Variants in CADM2 observed in about 807,000 individuals in gnomAD.
CADM2 encodes cell adhesion molecule 2, also known as immunoglobulin superfamily member 4D.
In CADM2, 12 loss-of-function variants were observed where a neutral mutation model predicts 49.8. The ratio of observed to expected loss-of-function variants is 0.24; its 90% confidence interval spans 0.15 to 0.39. CADM2 has a LOEUF of 0.39. Among genes scored for constraint, CADM2 ranks in the 10% least tolerant of loss-of-function variants. The pLI, the probability that CADM2 is intolerant of heterozygous loss-of-function variation, is 1.00. For synonymous variants in CADM2, 214 were observed against 175.4 expected, an observed-to-expected ratio of 1.22 and a Z score of -1.74; for missense variants, 378 against 492.3, an observed-to-expected ratio of 0.77 and a Z score of 2.20.
At chr3:85,117,374 A>C (rs78325399) in intron 1 of CADM2, among the ~76,000 whole-genome samples, 4,008 of 152,282 alleles carry the variant, frequency 0.026, 153 homozygotes, top group African/African-American at 0.091. Context: ...TTTCTCAAAG[A>C]AAGTTAAAAT....
intron 8 of CADM2, among the ~76,000 whole-genome samples, chr3:85,980,771 A>G (rs1228157212): frequency 6.6e-6 from 1 of 151,582 alleles, no homozygotes; most frequent in Non-Finnish European, 1.5e-5. Flanking sequence ...ATCATTGCAT[A>G]CTAACACAAT....
intron 8 of CADM2, among the ~76,000 whole-genome samples, chr3:86,020,450 C>A (rs1732990412): frequency 6.6e-6 from 1 of 151,968 alleles, no homozygotes; most frequent in Non-Finnish European, 1.5e-5. Context: ...CTACTCCAAT[C>A]AATAGAAAAA....
intron 1 of CADM2, among the ~76,000 whole-genome samples, chr3:85,621,404 A>G (rs1023817908): frequency 2.0e-5 from 3 of 152,182 alleles, no homozygotes; most frequent in African/African-American, 4.8e-5. Flanking sequence ...CAGACACGTC[A>G]TATTCCTATG....
chr3:84,995,396 A>G (rs374331602), intron 1 of CADM2, among the ~76,000 whole-genome samples: 2 of 152,244 alleles, frequency 1.3e-5, no homozygotes, highest in East Asian at 1.9e-4. Context: ...TGGGATTAAT[A>G]CAATTTTAAA....
chr3:85,170,680 T>G (rs2040601428), intron 1 of CADM2, among the ~76,000 whole-genome samples: 1 of 152,182 alleles, frequency 6.6e-6, no homozygotes, highest in South Asian at 2.1e-4. Flanking sequence ...TTCTCTGCAG[T>G]GCTGAACTTT....
intron 1 of CADM2, among the ~76,000 whole-genome samples, chr3:85,232,674 A>G (rs1229350382): frequency 1.3e-5 from 2 of 152,130 alleles, no homozygotes; most frequent in African/African-American, 2.4e-5. Context: ...GAAAAAAAAC[A>G]CCCTATATTA....
At chr3:85,047,372 G>T (rs961967209) in intron 1 of CADM2, among the ~76,000 whole-genome samples, 6 of 152,002 alleles carry the variant, frequency 3.9e-5, no homozygotes, top group African/African-American at 1.5e-4. Flanking sequence ...AGATTATAAA[G>T]GATTTGCAAC....
At chr3:85,111,440 T>G (rs1043080207) in intron 1 of CADM2, among the ~76,000 whole-genome samples, 2 of 151,926 alleles carry the variant, frequency 1.3e-5, no homozygotes, top group African/African-American at 4.8e-5. Context: ...ACATGAGAGC[T>G]TTTAAGTATT....
intron 1 of CADM2, among the ~76,000 whole-genome samples, chr3:85,603,554 T>A (rs79584191): frequency 6.6e-6 from 1 of 151,822 alleles, no homozygotes; most frequent in African/African-American, 2.4e-5. Context: ...TTCTTTTTTT[T>A]CCCCAGGGGA....
intron 1 of CADM2, among the ~76,000 whole-genome samples, chr3:85,205,476 A>G (rs913633218): frequency 6.6e-6 from 1 of 152,166 alleles, no homozygotes; most frequent in African/African-American, 2.4e-5. Flanking sequence ...CTGAAGTTCT[A>G]TCTATATAGA....
At chr3:85,320,808 T>C (rs897974516) in intron 1 of CADM2, among the ~76,000 whole-genome samples, 1 of 152,000 alleles carries the variant, frequency 6.6e-6, no homozygotes. Flanking sequence ...CATAATACTT[T>C]CCAGGATTTT....
intron 1 of CADM2, among the ~76,000 whole-genome samples, chr3:85,026,228 TA>T (rs2034721089): frequency 6.6e-6 from 1 of 152,202 alleles, no homozygotes; most frequent in African/African-American, 2.4e-5. Flanking sequence ...ATTTTTAAAA[TA>T]TTTTGCACTA....
intron 1 of CADM2, among the ~76,000 whole-genome samples, chr3:85,388,415 G>T (rs896179088): frequency 6.6e-6 from 1 of 152,084 alleles, no homozygotes; most frequent in Non-Finnish European, 1.5e-5. Context: ...GGAAAGAAGC[G>T]GGTTACTAGT....
chr3:85,186,477 T>C (rs751787659), intron 1 of CADM2, among the ~76,000 whole-genome samples: 2 of 152,188 alleles, frequency 1.3e-5, no homozygotes, highest in African/African-American at 2.4e-5. Context: ...TTTTAACCTT[T>C]TCAGGCATGT....
chr3:85,731,909 G>T (rs1432942491), intron 2 of CADM2, among the ~76,000 whole-genome samples: 2 of 151,204 alleles, frequency 1.3e-5, no homozygotes, highest in Non-Finnish European at 2.9e-5. Context: ...TATTTTTTTT[G>T]AAAATATCAC....
intron 1 of CADM2, among the ~76,000 whole-genome samples, chr3:85,439,715 A>T (rs1297693094): frequency 6.6e-6 from 1 of 151,960 alleles, no homozygotes; most frequent in East Asian, 1.9e-4. Flanking sequence ...ATTTCCATGG[A>T]CTGTCCCTAA....
intron 1 of CADM2, among the ~76,000 whole-genome samples, chr3:85,390,777 A>C (rs2034481011): frequency 6.6e-6 from 1 of 152,038 alleles, no homozygotes; most frequent in Non-Finnish European, 1.5e-5. Context: ...CTAGCTTCAA[A>C]ATAATTTTTA....
chr3:85,550,325 T>G (rs2061770797), intron 1 of CADM2, among the ~76,000 whole-genome samples: 1 of 152,198 alleles, frequency 6.6e-6, no homozygotes, highest in Non-Finnish European at 1.5e-5. Context: ...AAGTATTTGA[T>G]ATGGGGGAGA....
intron 1 of CADM2, among the ~76,000 whole-genome samples, chr3:85,660,203 A>G (rs2065356846): frequency 6.6e-6 from 1 of 152,076 alleles, no homozygotes; most frequent in African/African-American, 2.4e-5. Flanking sequence ...TTTTGTTAAA[A>G]TATTTGAGTT....
Sources: gnomAD v4.1 joint callset for allele counts (sites outside exome capture counted in the v4.1 genomes callset) on GRCh38, gnomAD v4.1.1 for gene constraint, MANE v1.5 for transcripts, NCBI Gene and HGNC (gene_info 2026-07-23, HGNC 2026-07-21) for gene names.